Variants in CDH4 observed in about 807,000 individuals in gnomAD.
CDH4 encodes the protein cadherin 4.
CDH4 carries 33 observed loss-of-function variants against 86.0 expected under a neutral mutation model. The ratio of observed to expected loss-of-function variants is 0.38; its 90% CI spans 0.29 to 0.51. The LOEUF (loss-of-function observed/expected upper bound fraction) is 0.51. CDH4 is among the 20% of genes least tolerant of loss of function. The pLI is 0.86. For missense variants in CDH4, 1,114 were observed against 1,307.4 expected, an observed-to-expected ratio of 0.85 and a Z score of 2.28; for synonymous variants, 555 against 549.4, an observed-to-expected ratio of 1.01 and a Z score of -0.14.
At chr20:61,653,525 G>A (rs543358115) in intron 2 of CDH4, among the ~76,000 whole-genome samples, 3 of 144,182 alleles carry the variant, frequency 2.1e-5, no homozygotes, top group African/African-American at 5.0e-5. Flanking sequence ...GGGCAGAGGC[G>A]CCCCTCACCT....
chr20:61,876,620 C>T (rs766690277), intron 7 of CDH4, among the ~76,000 whole-genome samples: 3 of 152,074 alleles, frequency 2.0e-5, no homozygotes, highest in Non-Finnish European at 4.4e-5. Context: ...CCCTTAGGGC[C>T]GGGGTTTTCG....
chr20:61,587,707 C>T (rs1176331842), intron 2 of CDH4, among the ~76,000 whole-genome samples: 1 of 152,246 alleles, frequency 6.6e-6, no homozygotes, highest in Non-Finnish European at 1.5e-5. Flanking sequence ...AACTCAAAGG[C>T]GGACGGCCTT....
Position 61,703,496 on chromosome 20 carries a change from C to T in CDH4, c.170-40067C>T, listed in dbSNP as rs188616241. Among the ~76,000 whole-genome samples the T allele has an allele frequency of 1.9e-3, 290 of 152,314 alleles. 1 individual carries two copies. Among genetic ancestry groups the T allele is most frequent in the Non-Finnish European group, 1.5e-3 (103 of 68,036 alleles). On this transcript the variant is annotated intron_variant, in intron 2 of 15. Coordinates refer to ENST00000614565, the MANE Select transcript of CDH4 (RefSeq NM_001794.5). This position sits in a 1 kb window ranked among gnomAD's most constrained non-coding sequence, Gnocchi z 4.3. Reference sequence around the variant, plus strand: ...ATTTAACCTAATATTGAAAAGACATCATTTGTCCCCACCAACAAATTAGTG... The same window carrying T: ...ATTTAACCTAATATTGAAAAGACATTATTTGTCCCCACCAACAAATTAGTG...
At chr20:61,375,266 C>A (rs930278304) in intron 2 of CDH4, among the ~76,000 whole-genome samples, 4 of 152,126 alleles carry the variant, frequency 2.6e-5, no homozygotes, top group Admixed American at 6.6e-5. Flanking sequence ...GTTCATGGTA[C>A]CTACTAAGTG....
intron 2 of CDH4, among the ~76,000 whole-genome samples, chr20:61,723,613 T>C (rs2088069166): frequency 6.6e-6 from 1 of 152,138 alleles, no homozygotes; most frequent in African/African-American, 2.4e-5. Context: ...CAAAAATGCA[T>C]GAGAAGTGAA....
At position 61,296,324 on chromosome 20, in the gene CDH4, C is replaced by CGT. The variant is rs140943090; in HGVS notation, c.169+41403_169+41404dup. Among the ~76,000 whole-genome samples the CGT allele has an allele frequency of 7.0e-3, 1,014 of 145,630 alleles. 8 individuals carry two copies. The highest frequency in any genetic ancestry group is 0.023 in the African/African-American group (922 of 39,378). On this transcript the variant is annotated intron_variant, in intron 2 of 15. Transcript: ENST00000614565. ...GTGGGTGCGTGTGTGTGCATGCGTGCGTGTGTGTGTGTGTGTGAGAGAGAG... is the reference window on the plus strand; with the variant it reads ...GTGGGTGCGTGTGTGTGCATGCGTGCGTGTGTGTGTGTGTGTGTGAGAGAGAG...
At chr20:61,652,167 T>C (rs2087128234) in intron 2 of CDH4, among the ~76,000 whole-genome samples, 4 of 152,162 alleles carry the variant, frequency 2.6e-5, no homozygotes, top group Admixed American at 2.6e-4. Flanking sequence ...GTACATAATA[T>C]ACACTCATGA....
In CDH4 at chr20:61,269,121, G is replaced by A. The variant is rs527465604; in HGVS notation, c.169+14184G>A. On this transcript the variant is annotated intron_variant, in intron 2 of 15. Transcript: ENST00000614565. The surrounding 1 kb of genome is among the most constrained non-coding windows in gnomAD (Gnocchi z 5.3). ...CTGTCTGTTGTTCTGGTCCACTGAT[G>A]GAGCCCTCCCCATGCCGGGTGCTGC... Among the ~76,000 whole-genome samples, 1 of 152,298 alleles carries A rather than the reference G, an allele frequency of 6.6e-6. No individual in the cohort carries two copies. Among genetic ancestry groups the A allele is most frequent in the African/African-American group, 2.4e-5 (1 of 41,568 alleles).
intron 2 of CDH4, among the ~76,000 whole-genome samples, chr20:61,349,306 A>C (rs1041594255): frequency 6.6e-6 from 1 of 152,244 alleles, no homozygotes; most frequent in Non-Finnish European, 1.5e-5. Flanking sequence ...AGGTGGCTGC[A>C]ACCTGGGATT....
chr20:61,338,975 G>A (rs1377790690), intron 2 of CDH4, among the ~76,000 whole-genome samples: 1 of 152,042 alleles, frequency 6.6e-6, no homozygotes, highest in Non-Finnish European at 1.5e-5. Flanking sequence ...AAACCAAAAT[G>A]TCCAATGATA....
intron 2 of CDH4, among the ~76,000 whole-genome samples, chr20:61,695,634 A>G (rs1475257368): frequency 1.3e-5 from 2 of 152,214 alleles, no homozygotes; most frequent in African/African-American, 4.8e-5. Flanking sequence ...AGGAGAGAGC[A>G]GTGAACCCCT....
chr20:61,665,278 G>T (rs1279489342), intron 2 of CDH4, among the ~76,000 whole-genome samples: 2 of 152,254 alleles, frequency 1.3e-5, no homozygotes, highest in East Asian at 1.9e-4. Context: ...TGCCACCAGG[G>T]CTCCCGCCCT....
chr20:61,319,004 T>C (rs1368966647), intron 2 of CDH4, among the ~76,000 whole-genome samples: 1 of 152,234 alleles, frequency 6.6e-6, no homozygotes. Context: ...CTGCACACCA[T>C]GCATGTCACA....
chr20:61,421,917 G>A (rs138010854), intron 2 of CDH4, among the ~76,000 whole-genome samples: 2,072 of 152,222 alleles, frequency 0.014, 48 homozygotes, highest in African/African-American at 0.046. Context: ...CAAGGAAACC[G>A]CAGCCTGGAG....
chr20:61,339,374 TC>T (rs34281947), intron 2 of CDH4, among the ~76,000 whole-genome samples: 20,132 of 152,114 alleles, frequency 0.13, 1,706 homozygotes, highest in East Asian at 0.32. Context: ...GTGTGACACT[TC>T]CTGGAGATCT....
intron 2 of CDH4, among the ~76,000 whole-genome samples, chr20:61,308,608 A>T (rs540112792): frequency 6.6e-6 from 1 of 152,286 alleles, no homozygotes; most frequent in South Asian, 2.1e-4. Context: ...AGTGATGGGA[A>T]ATGAGGAGCA....
chr20:61,387,719 T>C (rs2145459861), intron 2 of CDH4, among the ~76,000 whole-genome samples: 2 of 152,326 alleles, frequency 1.3e-5, no homozygotes, highest in African/African-American at 4.8e-5. Flanking sequence ...AATCTTGTCA[T>C]TGGTCCACGC....
chr20:61,288,734 C>T (rs1398184746), intron 2 of CDH4, among the ~76,000 whole-genome samples: 6 of 152,226 alleles, frequency 3.9e-5, no homozygotes, highest in Non-Finnish European at 7.3e-5. Flanking sequence ...AAGGTGCCAG[C>T]GATTCGAGCA....
chr20:61,580,832 G>A (rs534135169), intron 2 of CDH4, among the ~76,000 whole-genome samples: 5 of 152,320 alleles, frequency 3.3e-5, no homozygotes, highest in South Asian at 2.1e-4. Context: ...CTGTGTTCAC[G>A]TGGATGATGA....
Sources: gnomAD v4.1 joint callset for allele counts (sites outside exome capture counted in the v4.1 genomes callset) on GRCh38, gnomAD v4.1.1 for gene constraint, Gnocchi (gnomAD v3.1) non-coding constraint, MANE v1.5 for transcripts, NCBI Gene and HGNC (gene_info 2026-07-23, HGNC 2026-07-21) for gene names.